The following KRABD3 variants were observed in gnomAD, a reference collection of about 807,000 sequenced individuals.
KRABD3 encodes KRAB domain-containing protein 3.
chr7:149,720,922 G>A, the KRABD3 span: 4 of 1,613,604 alleles, frequency 2.5e-6, no homozygotes, highest in South Asian at 1.1e-5. Context: ...GAAGTCAAGG[G>A]CGCTATGGAC....
the KRABD3 span, chr7:149,721,030 C>T: frequency 6.2e-7 from 1 of 1,606,150 alleles, no homozygotes; most frequent in Non-Finnish European, 8.5e-7. Flanking sequence ...GCCTCCTCTG[C>T]ACTCCGCATG....
chr7:149,723,795 G>A, the KRABD3 span: 29 of 1,613,884 alleles, frequency 1.8e-5, 1 homozygote, highest in Non-Finnish European at 2.5e-5. Context: ...GTCTGAAGGA[G>A]CTCCCCGAGG....
the KRABD3 span, chr7:149,725,250 A>G: frequency 1.4e-6 from 2 of 1,456,634 alleles, no homozygotes; most frequent in East Asian, 2.5e-5. Flanking sequence ...AGAGCCAGCC[A>G]GGGGTCTGAT....
chr7:149,719,106 C>A, the KRABD3 span, among the ~76,000 whole-genome samples: 1 of 152,198 alleles, frequency 6.6e-6, no homozygotes, highest in Non-Finnish European at 1.5e-5. The surrounding 1 kb of genome is among the most constrained non-coding windows in gnomAD (Gnocchi z 5.6). Flanking sequence ...GGGCCAGGAT[C>A]CTTCTTGCCT....
At chr7:149,726,038 C>T in the KRABD3 span, 1 of 1,612,388 alleles carries the variant, frequency 6.2e-7, no homozygotes, top group Non-Finnish European at 8.5e-7. Context: ...CTGTGGGGAA[C>T]CAGGGGCAGC....
At chr7:149,721,116 T>A in the KRABD3 span, 6 of 1,312,792 alleles carry the variant, frequency 4.6e-6, no homozygotes, top group Non-Finnish European at 6.2e-6. Context: ...CACCTGCTGT[T>A]CCTCGTGGCT....
chr7:149,728,718 C>G, the KRABD3 span: 1 of 1,596,436 alleles, frequency 6.3e-7, no homozygotes, highest in Non-Finnish European at 8.5e-7. Context: ...CAGGGCTGCT[C>G]TGAGGATGCC....
chr7:149,730,030 C>A, the KRABD3 span: 5 of 1,386,100 alleles, frequency 3.6e-6, no homozygotes, highest in Non-Finnish European at 4.7e-6. Flanking sequence ...TCCACTAGAA[C>A]GCATGCTGAT....
the KRABD3 span, chr7:149,733,995 A>G: frequency 1.2e-5 from 19 of 1,611,004 alleles, no homozygotes; most frequent in East Asian, 2.2e-5. Flanking sequence ...AGGGCCCTCC[A>G]GGAAGAACTG....
At chr7:149,723,811 G>A in the KRABD3 span, 9 of 1,613,988 alleles carry the variant, frequency 5.6e-6, no homozygotes, top group Admixed American at 1.2e-4. Flanking sequence ...CGAGGCCCAG[G>A]ACAGGCATCC....
chr7:149,724,605 TGA>T, the KRABD3 span: 1 of 1,358,656 alleles, frequency 7.4e-7, no homozygotes, highest in Non-Finnish European at 9.8e-7. Flanking sequence ...ATTCTCAGGG[TGA>T]GTCCAGGCCT....
chr7:149,725,494 T>C, the KRABD3 span: 15 of 1,597,966 alleles, frequency 9.4e-6, no homozygotes, highest in Middle Eastern at 1.7e-4. Flanking sequence ...TGAAGGTAGA[T>C]TGTGGCCATG....
chr7:149,731,601 T>G, the KRABD3 span: 1 of 1,076,544 alleles, frequency 9.3e-7, no homozygotes. Flanking sequence ...GATATTGTTT[T>G]AGGGTATGTC....
At chr7:149,724,128 G>A in the KRABD3 span, among the ~76,000 whole-genome samples, 5 of 152,218 alleles carry the variant, frequency 3.3e-5, no homozygotes, top group South Asian at 4.1e-4. Context: ...CATTCTGAAA[G>A]GAAAGTGGGG....
the KRABD3 span, chr7:149,719,816 CG>C: frequency 8.1e-7 from 1 of 1,236,454 alleles, no homozygotes. This position sits in a 1 kb window ranked among gnomAD's most constrained non-coding sequence, Gnocchi z 5.6. Context: ...TTCTATGTCC[CG>C]GGACCGGGTT....
the KRABD3 span, among the ~76,000 whole-genome samples, chr7:149,727,568 C>G: frequency 6.6e-6 from 1 of 152,202 alleles, no homozygotes; most frequent in African/African-American, 2.4e-5. Flanking sequence ...CTGCCTTTGT[C>G]GTCAGCATTT....
chr7:149,718,314 G>T, the KRABD3 span, among the ~76,000 whole-genome samples: 1 of 152,228 alleles, frequency 6.6e-6, no homozygotes, highest in East Asian at 1.9e-4. Context: ...TTTATTAGGG[G>T]CGTGTTCATT....
At chr7:149,730,240 G>A in the KRABD3 span, 1 of 1,556,146 alleles carries the variant, frequency 6.4e-7, no homozygotes, top group Non-Finnish European at 8.7e-7. Flanking sequence ...TGCGTGGGAG[G>A]CCCCAGCCCC....
At chr7:149,723,204 G>T in the KRABD3 span, among the ~76,000 whole-genome samples, 14 of 152,304 alleles carry the variant, frequency 9.2e-5, no homozygotes, top group East Asian at 1.5e-3. Flanking sequence ...CTTGGGACCC[G>T]AGGGGAAGAG....
Sources: allele counts gnomAD v4.1 joint callset (sites outside exome capture counted in the v4.1 genomes callset), GRCh38; gene constraint gnomAD v4.1.1; non-coding constraint Gnocchi (gnomAD v3.1); transcripts MANE v1.5; gene names NCBI Gene and HGNC (gene_info 2026-07-23, HGNC 2026-07-21).